Variants in PIGK observed in about 807,000 individuals in gnomAD.
The protein encoded by PIGK is phosphatidylinositol glycan anchor biosynthesis class K.
PIGK carries 42 observed loss-of-function variants against 50.6 expected under a neutral mutation model. The ratio of observed to expected loss-of-function variants is 0.83; its 90% confidence interval spans 0.65 to 1.07. The LOEUF is 1.07. PIGK is among the 50% of genes least tolerant of loss of function. PIGK has a pLI of 0.00. For synonymous variants in PIGK, 151 were observed against 156.0 expected, an observed-to-expected ratio of 0.97 and a Z score of 0.24; for missense variants, 448 against 488.7, an observed-to-expected ratio of 0.92 and a Z score of 0.78.
intron 5 of PIGK, 67 bp from the exon 6 acceptor site, chr1:77,164,009 A>AG: frequency 1.0e-5 from 8 of 771,910 alleles, no homozygotes; most frequent in Non-Finnish European, 1.7e-5. Context: ...AGATATATAC[A>AG]TTTACTTCAT....
In PIGK at chr1:77,090,198, A is replaced by C. The variant is rs1211209078; in HGVS notation, c.*2176T>G. 6.6e-6 allele frequency: 1 copy of C among 152,232 alleles called. No individual in the cohort carries two copies. Among genetic ancestry groups the C allele is most frequent in the East Asian group, 1.9e-4 (1 of 5,202 alleles). 9.4% of individuals were successfully genotyped at this position (152,232 alleles called of 1,614,324 possible). ...TTCTGTTGTTCAGCTTTTGTGACTC[A>C]AGTAGAATATATTTAAGGATTTGTT... On this transcript the variant is annotated 3_prime_UTR_variant, in exon 11 of 11. Transcript: ENST00000370812.
chr1:77,174,221 G>A (rs533386505), intron 3 of PIGK, among the ~76,000 whole-genome samples: 2 of 152,178 alleles, frequency 1.3e-5, no homozygotes, highest in African/African-American at 4.8e-5. Flanking sequence ...AATATTGGCT[G>A]TTTTGCCTGG....
chr1:77,137,063 G>GT (rs1557802913), intron 9 of PIGK, among the ~76,000 whole-genome samples: 3 of 152,104 alleles, frequency 2.0e-5, no homozygotes, highest in Non-Finnish European at 4.4e-5. Context: ...ACTTGGATTT[G>GT]TGATTCCTTC....
intron 1 of PIGK, among the ~76,000 whole-genome samples, chr1:77,213,238 T>G (rs568850741): frequency 1.3e-5 from 2 of 152,194 alleles, no homozygotes; most frequent in Non-Finnish European, 2.9e-5. Flanking sequence ...AGGACATTTC[T>G]TCCAACAATG....
At chr1:77,105,760 A>G (rs896491581) in intron 10 of PIGK, among the ~76,000 whole-genome samples, 3 of 152,172 alleles carry the variant, frequency 2.0e-5, no homozygotes, top group Non-Finnish European at 2.9e-5. Flanking sequence ...CACATTATCT[A>G]TTGGGGCTTT....
chr1:77,157,087 T>C (rs1419015859), intron 8 of PIGK, among the ~76,000 whole-genome samples: 1 of 152,216 alleles, frequency 6.6e-6, no homozygotes, highest in Non-Finnish European at 1.5e-5. Flanking sequence ...AATGACACTA[T>C]AAATTTTTAA....
At chr1:77,106,982 C>A (rs539622716) in intron 10 of PIGK, among the ~76,000 whole-genome samples, 12 of 120,098 alleles carry the variant, frequency 1.0e-4, no homozygotes, top group Non-Finnish European at 2.0e-4. Flanking sequence ...TCTCTCTTTT[C>A]TTCTTTATTA....
intron 9 of PIGK, among the ~76,000 whole-genome samples, chr1:77,147,240 A>G (rs1654791285): frequency 6.6e-6 from 1 of 152,118 alleles, no homozygotes; most frequent in Non-Finnish European, 1.5e-5. Context: ...AGTATGGGGG[A>G]AACCACCCCC....
intron 10 of PIGK, among the ~76,000 whole-genome samples, chr1:77,102,864 T>A (rs1338616221): frequency 1.3e-5 from 2 of 152,200 alleles, no homozygotes; most frequent in Non-Finnish European, 2.9e-5. Flanking sequence ...TTTTATACCA[T>A]CCTAGTCTTC....
chr1:77,162,564 T>A (rs1053229162), intron 6 of PIGK, among the ~76,000 whole-genome samples: 1 of 152,112 alleles, frequency 6.6e-6, no homozygotes, highest in Admixed American at 6.6e-5. Context: ...GGTTTTTGTT[T>A]TTGTTGTTGT....
intron 9 of PIGK, among the ~76,000 whole-genome samples, chr1:77,147,985 A>C (rs951926972): frequency 1.3e-5 from 2 of 152,234 alleles, no homozygotes; most frequent in Non-Finnish European, 2.9e-5. Context: ...ACTCTAGTGT[A>C]CTACACAAAA....
At position 77,091,121 on chromosome 1, in the gene PIGK, A is replaced by C. The variant is rs1653288134; in HGVS notation, c.*1253T>G. 1 of 152,206 alleles carries C rather than the reference A, an allele frequency of 6.6e-6. No individual in the cohort carries two copies. Among genetic ancestry groups the C allele is most frequent in the Non-Finnish European group, 1.5e-5 (1 of 68,026 alleles). 9.4% of individuals were successfully genotyped at this position (152,206 alleles called of 1,614,324 possible). A position where few individuals can be genotyped will look rare whatever the true frequency, so the allele number is the denominator to read the frequency against. ...GCACTGAATAAAGATGAACACATAA[A>C]TTCTTGCATAAAACAGATAAGACAC... On this transcript the variant is annotated 3_prime_UTR_variant, in exon 11 of 11. Transcript: ENST00000370812.
chr1:77,105,623 T>C (rs1653652305), intron 10 of PIGK, among the ~76,000 whole-genome samples: 1 of 152,090 alleles, frequency 6.6e-6, no homozygotes, highest in South Asian at 2.1e-4. Context: ...GAGAATATCT[T>C]TAAAAACAGT....
chr1:77,123,442 A>G (rs1654150264), intron 9 of PIGK, among the ~76,000 whole-genome samples: 1 of 152,206 alleles, frequency 6.6e-6, no homozygotes, highest in African/African-American at 2.4e-5. Context: ...CAAAATTTTC[A>G]TATGATTTAA....
intron 9 of PIGK, among the ~76,000 whole-genome samples, chr1:77,122,721 A>T (rs1423389486): frequency 2.0e-5 from 3 of 152,146 alleles, no homozygotes; most frequent in African/African-American, 7.2e-5. Flanking sequence ...CATCTCCAGC[A>T]ACCCTTTCTC....
At chr1:77,152,274 T>C (rs1211183275) in intron 9 of PIGK, among the ~76,000 whole-genome samples, 1 of 152,058 alleles carries the variant, frequency 6.6e-6, no homozygotes, top group Non-Finnish European at 1.5e-5. Flanking sequence ...TTAATAATCG[T>C]GCTGGGAAAA....
At chr1:77,174,867 C>T (rs528097007) in intron 3 of PIGK, among the ~76,000 whole-genome samples, 141 of 152,162 alleles carry the variant, frequency 9.3e-4, no homozygotes, top group Middle Eastern at 6.8e-3. Flanking sequence ...GCCAGTAATC[C>T]GATTAAAAAC....
At chr1:77,106,693 A>G (rs763286209) in intron 10 of PIGK, among the ~76,000 whole-genome samples, 1 of 152,084 alleles carries the variant, frequency 6.6e-6, no homozygotes, top group Non-Finnish European at 1.5e-5. Flanking sequence ...TGAAGACAGC[A>G]CGCTAATGTT....
At chr1:77,123,688 A>T (rs1465766327) in intron 9 of PIGK, among the ~76,000 whole-genome samples, 1 of 152,168 alleles carries the variant, frequency 6.6e-6, no homozygotes, top group Non-Finnish European at 1.5e-5. Flanking sequence ...TCGCAAGATG[A>T]AAAAAGTTCT....
Sources: allele counts gnomAD v4.1 joint callset (sites outside exome capture counted in the v4.1 genomes callset), GRCh38; gene constraint gnomAD v4.1.1; transcripts MANE v1.5; gene names NCBI Gene and HGNC (gene_info 2026-07-23, HGNC 2026-07-21).